The following ICAM5 variants were observed in gnomAD, a reference collection of about 807,000 sequenced individuals.
ICAM5 encodes ICAM-5.
ICAM5 carries 38 observed loss-of-function variants against 78.8 expected under a neutral mutation model. The observed-to-expected ratio is 0.48, with a 90% CI of 0.37 to 0.63. The LOEUF (loss-of-function observed/expected upper bound fraction) is 0.63, where lower values mean the gene tolerates loss of function less well. Among genes scored for constraint, ICAM5 ranks in the 30% least tolerant of loss-of-function variants. The pLI, the probability that ICAM5 is intolerant of heterozygous loss-of-function variation, is 0.00. For synonymous variants in ICAM5, 544 were observed against 590.9 expected, an observed-to-expected ratio of 0.92 and a Z score of 1.15; for missense variants, 1,059 against 1,303.0, an observed-to-expected ratio of 0.81 and a Z score of 2.88.
rs1845810694 is a variant in ICAM5, at chr19:10,290,724, A to G, written c.83-348A>G. On this transcript the variant is annotated intron_variant, in intron 1 of 10. Transcript: ENST00000221980. This position sits in a 1 kb window ranked among gnomAD's most constrained non-coding sequence, Gnocchi z 5.7. ...CTGCCAGGACCCTGAGAACTGGTTC[A>G]TCCCCCATCCCCCATCCCGGGTCCC... The G allele has an allele frequency of 2.6e-6, 1 of 384,326 alleles. No individual in the cohort carries two copies. The highest frequency in any genetic ancestry group is 4.7e-6 in the Non-Finnish European group (1 of 211,930). 23.8% of individuals were successfully genotyped at this position (384,326 alleles called of 1,614,324 possible). A position where few individuals can be genotyped will look rare whatever the true frequency, so the allele number is the denominator to read the frequency against.
chr19:10,292,586 A>C, intron 4 of ICAM5, 26 bp from the exon 5 acceptor site: 1 of 1,542,946 alleles, frequency 6.5e-7, no homozygotes, highest in Non-Finnish European at 8.7e-7. Context: ...TGGTCAGTAT[A>C]CTACGACCAA....
intron 4 of ICAM5, 93 bp downstream of exon 4, chr19:10,292,415 C>G: frequency 2.8e-6 from 4 of 1,429,616 alleles, no homozygotes; most frequent in Admixed American, 2.2e-5. Flanking sequence ...AGTACCGGAA[C>G]AGGCGTGGCC....
chr19:10,291,928 C>A, intron 3 of ICAM5, 107 bp from the exon 4 acceptor site: 1 of 1,484,988 alleles, frequency 6.7e-7, no homozygotes, highest in African/African-American at 1.4e-5. Context: ...TGAGCTGTTT[C>A]CCCCTCCGTG....
rs1175787663 is a variant in ICAM5 at position 10,293,780 on chromosome 19, G to A, written c.1548G>A (p.Ala516=). The stretch of plus-strand genomic sequence containing the variant: ...CAGAAGCCTCGCTGAGCTGTGTGGC[G>A]CACGGGGTACCGCCGCCTGATGTGA... ...EGTEASLSCV[A]HGVPPPDVIC... is the part of the protein sequence containing the mutation. The change falls in exon 7 of 11, where the codon GCG becomes GCA. Residue 516 remains alanine, a synonymous_variant. Coordinates refer to ENST00000221980, the MANE Select transcript of ICAM5 (RefSeq NM_003259.4). This position sits in a 1 kb window ranked among gnomAD's most constrained non-coding sequence, Gnocchi z 5.0. 5.0e-6 allele frequency: 8 copies of A among 1,613,694 alleles called. No homozygotes were observed. The highest frequency in any genetic ancestry group is 4.0e-5 in the African/African-American group (3 of 74,930).
rs146416564 is a variant in ICAM5, at chr19:10,292,845, A to G, written c.1195A>G (p.Ser399Gly). ...CGGGGAGACCCTGATCAAGAACAGG[A>G]GCGCAGAGCTTCGTGTCCTATGTGA... The part of the protein sequence containing the change: ...VDGETLIKNR[S>G]AELRVLYAPR... Residue 399 changes from serine to glycine, a missense_variant, in exon 5 of 11, where the codon AGC (serine) becomes GGC (glycine). Transcript: ENST00000221980. The G allele has an allele frequency of 2.5e-6, 4 of 1,612,452 alleles. No individual in the cohort carries two copies. Among genetic ancestry groups the G allele is most frequent in the Non-Finnish European group, 3.4e-6 (4 of 1,179,746 alleles).
rs1225344856 is a variant in ICAM5 at position 10,292,508 on chromosome 19, C to T, written c.962-104C>T. The T allele has an allele frequency of 8.2e-6, 12 of 1,456,424 alleles. No individual in the cohort carries two copies. In the South Asian group the frequency reaches 1.6e-4, roughly 20 times the overall value. The allele number at this position is 1,456,424 out of a possible 1,614,324, so 90.2% of individuals were successfully genotyped here. Reference sequence around the variant, plus strand: ...AGCCTGAGAGGCGGGGCGCCGTACCCTAGTTCGTTCTCAGCACCCCGAGGA... The same window carrying T: ...AGCCTGAGAGGCGGGGCGCCGTACCTTAGTTCGTTCTCAGCACCCCGAGGA... On this transcript the variant is annotated intron_variant, in intron 4 of 10. Transcript: ENST00000221980.
At position 10,291,301 on chromosome 19, in the gene ICAM5, G is replaced by C; in HGVS notation, c.312G>C (p.Ala104=). The C allele has an allele frequency of 6.2e-7, 1 of 1,612,446 alleles. No homozygotes were observed. Among genetic ancestry groups the C allele is most frequent in the Non-Finnish European group, 8.5e-7 (1 of 1,179,814 alleles). ...AGCCCGTCTGCTTCTTCCGCTGCGC[G>C]CGGCGCACACTACAGGCGCGTGGGC... ...ETQPVCFFRC[A]RRTLQARGLI... Residue 104 remains alanine, a synonymous_variant, in exon 2 of 11, where the codon GCG becomes GCC. Coordinates refer to ENST00000221980, the MANE Select transcript of ICAM5 (RefSeq NM_003259.4).
intron 10 of ICAM5, 39 bp from the exon 11 acceptor site, chr19:10,296,300 G>T: frequency 8.1e-7 from 1 of 1,228,030 alleles, no homozygotes. Context: ...GAAGCCCCCC[G>T]GAGCTTGGCC....
chr19:10,291,055 C>G lies in ICAM5; in HGVS notation c.83-17C>G, dbSNP rs749820628. ...GGGAGTTGGCTCCCCAGGCTCAGCC[C>G]GCGTTTCCCTGGGCAGCGGTCTCGC... On this transcript the variant is annotated splice_polypyrimidine_tract_variant and intron_variant, in intron 1 of 10. Coordinates refer to ENST00000221980, the MANE Select transcript of ICAM5 (RefSeq NM_003259.4). The G allele has an allele frequency of 2.6e-5, 42 of 1,596,688 alleles. No individual in the cohort carries two copies. In the South Asian group the frequency reaches 4.2e-4, roughly 16 times the overall value.
rs1211601364 is a variant in ICAM5 at position 10,291,496 on chromosome 19, A to T, written c.360A>T (p.Pro120=). The change falls in exon 3 of 11, where the codon CCA becomes CCT. Residue 120 remains proline, a synonymous_variant. Transcript: ENST00000221980. The part of the protein sequence containing the change: ...ARGLIRTFQR[P]DRVELMPLPP... ...GACTCTTCCCCCTTGCAGAGCGACCAGATCGCGTAGAGCTGATGCCGCTGC... is the reference window on the plus strand; with the variant it reads ...GACTCTTCCCCCTTGCAGAGCGACCTGATCGCGTAGAGCTGATGCCGCTGC... The T allele has an allele frequency of 1.9e-5, 30 of 1,612,338 alleles. No individual in the cohort carries two copies. Among genetic ancestry groups the T allele is most frequent in the Non-Finnish European group, 2.2e-5 (26 of 1,179,902 alleles).
At position 10,290,095 on chromosome 19, in the gene ICAM5, G is replaced by T; in HGVS notation, c.52G>T (p.Ala18Ser). The T allele has an allele frequency of 6.5e-7, 1 of 1,540,874 alleles. No homozygotes were observed. Among genetic ancestry groups the T allele is most frequent in the East Asian group, 2.5e-5 (1 of 40,480 alleles). Residue 18 changes from alanine to serine, a missense_variant, in exon 1 of 11, where the codon GCT (alanine) becomes TCT (serine). By Grantham distance (99) the Ala-to-Ser change is moderately conservative (BLOSUM62 1). Around this residue, in one of 3 missense-constraint regions of ICAM5, gnomAD observed 815 missense variants for 952.8 expected, o/e 0.86. Transcript: ENST00000221980. The surrounding 1 kb of genome is among the most constrained non-coding windows in gnomAD (Gnocchi z 5.7). ...LRRALLGLWA[A>S]LGLGLFGLSA... ...CCGGGCGCTACTCGGCCTCTGGGCT[G>T]CTCTGGGCCTGGGGCTCTTCGGCCT...
rs202091893 is a variant in ICAM5, at chr19:10,293,112, C to G, written c.1331C>G (p.Ala444Gly). 1.2e-6 allele frequency: 2 copies of G among 1,608,886 alleles called. No individual in the cohort carries two copies. Among genetic ancestry groups the G allele is most frequent in the African/African-American group, 1.3e-5 (1 of 74,884 alleles). ...RGNPEPSVHC[A>G]RSDGGAVLAL... is the part of the protein sequence containing the mutation. ...AACCCAGAACCCTCAGTGCACTGTG[C>G]GCGCTCCGACGGCGGGGCCGTGCTG... is the stretch of plus-strand genomic sequence containing the variant. Residue 444 changes from alanine to glycine, a missense_variant, in exon 6 of 11, where the codon GCG becomes GGG. By Grantham distance (60) the Ala-to-Gly change is moderately conservative. Transcript: ENST00000221980. The surrounding 1 kb of genome is among the most constrained non-coding windows in gnomAD (Gnocchi z 5.0).
chr19:10,290,043 G>T lies in ICAM5; in HGVS notation c.-1G>T. 1 of 1,539,448 alleles carries T rather than the reference G, an allele frequency of 6.5e-7. No homozygotes were observed. Among genetic ancestry groups the T allele is most frequent in the Non-Finnish European group, 8.7e-7 (1 of 1,145,070 alleles). On this transcript the variant is annotated 5_prime_UTR_variant, in exon 1 of 11. Coordinates refer to ENST00000221980, the MANE Select transcript of ICAM5 (RefSeq NM_003259.4). The surrounding 1 kb of genome is among the most constrained non-coding windows in gnomAD (Gnocchi z 5.7). ...CCTCCTGTGCTTTCCCCGCCGCGGC[G>T]ATGCCAGGGCCTTCGCCAGGGCTGC...
chr19:10,293,288 G>T lies in ICAM5; in HGVS notation c.1465+42G>T. The T allele has an allele frequency of 6.5e-7, 1 of 1,531,552 alleles. No homozygotes were observed. The highest frequency in any genetic ancestry group is 2.3e-5 in the East Asian group (1 of 43,978). The allele number at this position is 1,531,552 out of a possible 1,614,324, so 94.9% of individuals were successfully genotyped here. On this transcript the variant is annotated intron_variant, in intron 6 of 10. Transcript: ENST00000221980. The surrounding 1 kb of genome is among the most constrained non-coding windows in gnomAD (Gnocchi z 5.0). ...AGGGTGCATTTCTATCTGGTTCAAG[G>T]TCTGGAGGGTGGCCAGCCTCCAGGG...
Position 10,289,997 on chromosome 19 carries a change from C to T in ICAM5, c.-47C>T, listed in dbSNP as rs1313920490. ...CGCGGAGCCGTCCTCTAGCCCAGCT[C>T]CTCGGCTCGCGCTCTCCTCGCCTCC... On this transcript the variant is annotated 5_prime_UTR_variant, in exon 1 of 11. Coordinates refer to ENST00000221980, the MANE Select transcript of ICAM5 (RefSeq NM_003259.4). The T allele has an allele frequency of 2.0e-6, 3 of 1,499,948 alleles. No homozygotes were observed. The highest frequency in any genetic ancestry group is 2.0e-5 in the Admixed American group (1 of 49,944). 92.9% of individuals were successfully genotyped at this position (1,499,948 alleles called of 1,614,324 possible).
In ICAM5 at chr19:10,295,362, C is replaced by G. The variant is rs746709347; in HGVS notation, c.2247C>G (p.Ala749=). The change falls in exon 10 of 11, where the codon GCC becomes GCG. Residue 749 remains alanine, a synonymous_variant. Transcript: ENST00000221980. ...TVGVEYRPVV[A]ELAASPPGGV... ...GCCCTTCAGACCGGCCAGTGGTGGCCGAACTTGCTGCCTCGCCCCCTGGAG... is the reference window on the plus strand; with the variant it reads ...GCCCTTCAGACCGGCCAGTGGTGGCGGAACTTGCTGCCTCGCCCCCTGGAG... 7.0e-6 allele frequency: 11 copies of G among 1,566,890 alleles called. No homozygotes were observed. The highest frequency in any genetic ancestry group is 9.5e-6 in the Non-Finnish European group (11 of 1,160,736).
chr19:10,290,092 G>A lies in ICAM5; in HGVS notation c.49G>A (p.Ala17Thr), dbSNP rs1014719935. Residue 17 changes from alanine to threonine, a missense_variant, in exon 1 of 11, where the codon GCT becomes ACT. By Grantham distance (58) the Ala-to-Thr change is moderately conservative (BLOSUM62 0). Coordinates refer to ENST00000221980, the MANE Select transcript of ICAM5 (RefSeq NM_003259.4). The surrounding 1 kb of genome is among the most constrained non-coding windows in gnomAD (Gnocchi z 5.7). The stretch of plus-strand genomic sequence containing the variant: ...GCGCCGGGCGCTACTCGGCCTCTGG[G>A]CTGCTCTGGGCCTGGGGCTCTTCGG... ...GLRRALLGLW[A>T]ALGLGLFGLS... is the part of the protein sequence containing the mutation. 2 of 1,541,356 alleles carry A rather than the reference G, an allele frequency of 1.3e-6. No individual in the cohort carries two copies. The highest frequency in any genetic ancestry group is 1.7e-6 in the Non-Finnish European group (2 of 1,143,626).
chr19:10,296,045 C>G (rs1184921138), intron 10 of ICAM5, among the ~76,000 whole-genome samples: 3 of 152,092 alleles, frequency 2.0e-5, no homozygotes, highest in Non-Finnish European at 2.9e-5. Context: ...GGGAACCTGA[C>G]CTGGTCCTGC....
rs756919676 is a variant in ICAM5, at chr19:10,292,322, A to G, written c.961A>G (p.Ser321Gly). 1 of 1,593,802 alleles carries G rather than the reference A, an allele frequency of 6.3e-7. No individual in the cohort carries two copies. The highest frequency in any genetic ancestry group is 2.3e-5 in the East Asian group (1 of 43,872). Residue 321 changes from serine to glycine, a missense_variant and splice_region_variant, in exon 4 of 11, where the codon AGC becomes GGC. By Grantham distance (56) the Ser-to-Gly change is moderately conservative. Coordinates refer to ENST00000221980, the MANE Select transcript of ICAM5 (RefSeq NM_003259.4). The part of the protein sequence containing the change: ...RETRENVTIY[S>G]FPAPLLTLSE... ...GACCCGGGAGAACGTGACCATCTAC[A>G]GTAAGGAAGGAGGCGGGGTCTCCGC...
Sources: allele counts gnomAD v4.1 joint callset (sites outside exome capture counted in the v4.1 genomes callset), GRCh38; gene constraint gnomAD v4.1.1; regional missense constraint gnomAD v4.1.1; non-coding constraint Gnocchi (gnomAD v3.1); transcripts MANE v1.5; gene names NCBI Gene and HGNC (gene_info 2026-07-23, HGNC 2026-07-21).